Variants in SMIM36 observed in about 807,000 individuals in gnomAD.
The protein encoded by SMIM36 is small integral membrane protein 36.
intron 1 of SMIM36, among the ~76,000 whole-genome samples, chr17:55,495,186 T>A (rs1909786929): frequency 6.6e-6 from 1 of 152,232 alleles, no homozygotes; most frequent in South Asian, 2.1e-4. Context: ...GACCTCCACC[T>A]GTATCTGTGC....
At chr17:55,515,333 C>T (rs562466545), upstream of SMIM36, among the ~76,000 whole-genome samples, 79 of 152,216 alleles carry the variant, frequency 5.2e-4, no homozygotes, top group African/African-American at 1.9e-3. Flanking sequence ...AGGTGGCTCA[C>T]TTGGGAGCCT....
At chr17:55,523,313 C>T in the SMIM36 span, among the ~76,000 whole-genome samples, 5 of 152,128 alleles carry the variant, frequency 3.3e-5, no homozygotes, top group Admixed American at 6.5e-5. Context: ...GGGCAGATCA[C>T]GATGTCGGGA....
At chr17:55,521,081 C>T in the SMIM36 span, among the ~76,000 whole-genome samples, 1 of 152,112 alleles carries the variant, frequency 6.6e-6, no homozygotes, top group Non-Finnish European at 1.5e-5. Flanking sequence ...TGAGATTGTG[C>T]CACTGCACTC....
intron 4 of SMIM36, among the ~76,000 whole-genome samples, chr17:55,463,077 G>C (rs1165154006): frequency 6.6e-6 from 1 of 152,054 alleles, no homozygotes; most frequent in Non-Finnish European, 1.5e-5. Context: ...GATCCTCCAG[G>C]CTATGTAATA....
At position 55,500,862 on chromosome 17, in the gene SMIM36, T is replaced by A. The variant is rs866020803; in HGVS notation, c.*174+10017A>T. ...TATAATATATTATATTATAATATAT[T>A]ATAATATATTATATTTTATAATATA... On this transcript the variant is annotated intron_variant, in intron 1 of 4. Coordinates refer to ENST00000636752, the Ensembl canonical transcript of SMIM36. Among the ~76,000 whole-genome samples the A allele has an allele frequency of 1.4e-3, 46 of 33,270 alleles. 21 individuals carry two copies. The African/African-American group carries it at 0.03, about 21-fold the overall frequency. The allele number at this position is 33,270 out of a possible 152,430, so 21.8% of individuals were successfully genotyped here.
intron 3 of SMIM36, among the ~76,000 whole-genome samples, 184 bp from the exon 4 acceptor site, chr17:55,467,512 T>C (rs2143251387): frequency 6.6e-6 from 1 of 152,110 alleles, no homozygotes; most frequent in Middle Eastern, 3.4e-3. Context: ...TTCTCCTGCC[T>C]CAGCCTCCCA....
the SMIM36 span, among the ~76,000 whole-genome samples, chr17:55,524,172 T>C: frequency 6.6e-6 from 1 of 152,178 alleles, no homozygotes; most frequent in African/African-American, 2.4e-5. Context: ...GAACATGCAT[T>C]ATTTGGTTTT....
upstream of SMIM36, among the ~76,000 whole-genome samples, chr17:55,514,120 T>C (rs1314860988): frequency 6.6e-6 from 1 of 152,178 alleles, no homozygotes; most frequent in Non-Finnish European, 1.5e-5. Context: ...CCTGGGTGGC[T>C]CCTTTATTCA....
At chr17:55,502,130 G>A (rs28811684) in intron 1 of SMIM36, among the ~76,000 whole-genome samples, 4 of 119,498 alleles carry the variant, frequency 3.3e-5, no homozygotes, top group African/African-American at 9.3e-5. Context: ...ACTGCAAGGC[G>A]GCAGCGAGGC....
At chr17:55,530,613 T>C in the SMIM36 span, among the ~76,000 whole-genome samples, 1 of 151,964 alleles carries the variant, frequency 6.6e-6, no homozygotes, top group African/African-American at 2.4e-5. Context: ...TGAAACCCCA[T>C]CTCTACTAAA....
chr17:55,479,810 T>C (rs1259467467), intron 1 of SMIM36, among the ~76,000 whole-genome samples: 1 of 152,212 alleles, frequency 6.6e-6, no homozygotes, highest in African/African-American at 2.4e-5. Flanking sequence ...TGAGGTGATA[T>C]GAGCAAAAAC....
intron 3 of SMIM36, among the ~76,000 whole-genome samples, chr17:55,470,089 T>A (rs1223146845): frequency 6.6e-6 from 1 of 152,180 alleles, no homozygotes; most frequent in Admixed American, 6.5e-5. Context: ...GCCGGAAATC[T>A]GGCCACTGGA....
intron 3 of SMIM36, 49 bp downstream of exon 3, chr17:55,478,713 T>C (rs1243112918): frequency 6.6e-6 from 1 of 152,188 alleles, no homozygotes; most frequent in Non-Finnish European, 1.5e-5. Context: ...GCAGCCCTGT[T>C]CTGGTTGAAA....
chr17:55,474,069 C>T (rs1179854380), intron 3 of SMIM36, among the ~76,000 whole-genome samples: 3 of 152,106 alleles, frequency 2.0e-5, no homozygotes, highest in East Asian at 1.9e-4. Flanking sequence ...GACCCTCTCA[C>T]GCGGACCCCC....
At chr17:55,507,553 G>T (rs1337037728) in intron 1 of SMIM36, among the ~76,000 whole-genome samples, 1 of 108,228 alleles carries the variant, frequency 9.2e-6, no homozygotes, top group Non-Finnish European at 1.8e-5. Flanking sequence ...ACAGGAAGGG[G>T]AATATCACAC....
intron 4 of SMIM36, among the ~76,000 whole-genome samples, chr17:55,465,692 T>C (rs1379986252): frequency 6.6e-6 from 1 of 151,972 alleles, no homozygotes; most frequent in African/African-American, 2.4e-5. Context: ...CAGACCACAG[T>C]GAATGTTCAA....
At chr17:55,470,808 C>T (rs1162256401) in intron 3 of SMIM36, among the ~76,000 whole-genome samples, 1 of 152,024 alleles carries the variant, frequency 6.6e-6, no homozygotes, top group Non-Finnish European at 1.5e-5. Flanking sequence ...CCTAATCACT[C>T]TTACCCTGCT....
intron 3 of SMIM36, among the ~76,000 whole-genome samples, chr17:55,476,627 G>A (rs998745800): frequency 1.3e-5 from 2 of 152,066 alleles, no homozygotes; most frequent in African/African-American, 4.8e-5. Context: ...GAGTGCAGTG[G>A]CATGAAATCG....
At chr17:55,469,194 C>G (rs1909297570) in intron 3 of SMIM36, among the ~76,000 whole-genome samples, 1 of 152,100 alleles carries the variant, frequency 6.6e-6, no homozygotes, top group Non-Finnish European at 1.5e-5. Context: ...ACCCTATAAT[C>G]CTTCTATCAC....
Sources: allele counts gnomAD v4.1 joint callset (sites outside exome capture counted in the v4.1 genomes callset), GRCh38; gene constraint gnomAD v4.1.1; transcripts MANE v1.5; gene names NCBI Gene and HGNC (gene_info 2026-07-23, HGNC 2026-07-21).